PDE4D: variants seen among roughly 807,000 people sequenced by gnomAD.
The protein encoded by PDE4D is phosphodiesterase 4D.
In PDE4D, 24 loss-of-function variants were observed where a neutral mutation model predicts 87.4. That is an observed-to-expected ratio of 0.27 (90% CI 0.20 to 0.39). The LOEUF (loss-of-function observed/expected upper bound fraction) is 0.39. Among genes scored for constraint, PDE4D ranks in the 10% least tolerant of loss-of-function variants. The pLI is 1.00. For missense variants in PDE4D, 714 were observed against 1,041.0 expected (o/e 0.69, Z 4.32); for synonymous variants, 384 against 383.2 (o/e 1.00, Z -0.02).
chr5:60,292,911 A>G (rs1271986528), intron 1 of PDE4D, among the ~76,000 whole-genome samples: 2 of 152,174 alleles, frequency 1.3e-5, no homozygotes, highest in Admixed American at 6.5e-5. Context: ...CCTCTCTATT[A>G]TGACATGGTC....
intron 1 of PDE4D, among the ~76,000 whole-genome samples, chr5:60,251,524 G>A (rs186444395): frequency 2.0e-4 from 31 of 151,954 alleles, no homozygotes; most frequent in African/African-American, 6.5e-4. Context: ...CTATATTCCC[G>A]CAAAGGACAT....
chr5:60,231,471 A>G (rs970909502), intron 1 of PDE4D, among the ~76,000 whole-genome samples: 5 of 152,020 alleles, frequency 3.3e-5, no homozygotes, highest in Admixed American at 3.3e-4. Flanking sequence ...CAATGGAAAA[A>G]AAAATGATCT....
chr5:59,702,869 C>CAAAAAAA (rs71604798), intron 1 of PDE4D, among the ~76,000 whole-genome samples: 7 of 69,804 alleles, frequency 1.0e-4, no homozygotes, highest in African/African-American at 4.3e-4. Flanking sequence ...GACCCTGTCT[C>CAAAAAAA]AAAAAAAAAA....
intron 5 of PDE4D, among the ~76,000 whole-genome samples, chr5:59,061,057 G>C (rs1763044775): frequency 6.6e-6 from 1 of 152,100 alleles, no homozygotes; most frequent in South Asian, 2.1e-4. Context: ...GTTGGTATCA[G>C]TTAGACAGTT....
chr5:60,228,794 A>G (rs1222292835), intron 1 of PDE4D, among the ~76,000 whole-genome samples: 1 of 152,118 alleles, frequency 6.6e-6, no homozygotes. Flanking sequence ...CCCAGAAACT[A>G]TACAGAGAGC....
intron 1 of PDE4D, among the ~76,000 whole-genome samples, chr5:60,294,206 T>C (rs940759119): frequency 1.3e-5 from 2 of 152,194 alleles, no homozygotes; most frequent in African/African-American, 4.8e-5. Flanking sequence ...CTTTACTGTG[T>C]TCATTGGCCA....
chr5:60,242,992 A>G (rs1435711103), intron 1 of PDE4D, among the ~76,000 whole-genome samples: 2 of 152,082 alleles, frequency 1.3e-5, no homozygotes, highest in Non-Finnish European at 2.9e-5. Flanking sequence ...AGTTCAGAGC[A>G]GAAATAAATG....
At chr5:59,227,889 T>C (rs1172711486) in intron 1 of PDE4D, among the ~76,000 whole-genome samples, 2 of 152,020 alleles carry the variant, frequency 1.3e-5, no homozygotes, top group African/African-American at 4.8e-5. Context: ...AACTCAGCAA[T>C]CAAACTACAG....
chr5:60,423,548 T>C, intron 1 of PDE4D, among the ~76,000 whole-genome samples: 1 of 150,856 alleles, frequency 6.6e-6, no homozygotes, highest in Non-Finnish European at 1.5e-5. Flanking sequence ...TAAAGCACTG[T>C]GTAGAGGGAA....
chr5:59,663,116 A>C (rs1201895346), intron 1 of PDE4D, among the ~76,000 whole-genome samples: 1 of 152,182 alleles, frequency 6.6e-6, no homozygotes, highest in Admixed American at 6.5e-5. Flanking sequence ...TACATAGGAA[A>C]TAAGATTTAG....
intron 1 of PDE4D, among the ~76,000 whole-genome samples, chr5:59,677,653 A>G (rs550614503): frequency 1.3e-5 from 2 of 152,340 alleles, no homozygotes; most frequent in Admixed American, 6.5e-5. Context: ...CTGACCAAAC[A>G]CTGACACTTG....
At chr5:60,005,841 G>T (rs1764420979) in intron 2 of PDE4D, among the ~76,000 whole-genome samples, 1 of 151,662 alleles carries the variant, frequency 6.6e-6, no homozygotes, top group African/African-American at 2.4e-5. Flanking sequence ...TTTTAAAAGG[G>T]TGCAGAGAGA....
At chr5:59,687,863 G>GAT (rs1750175213) in intron 1 of PDE4D, among the ~76,000 whole-genome samples, 1 of 152,002 alleles carries the variant, frequency 6.6e-6, no homozygotes, top group South Asian at 2.1e-4. Context: ...AAAATAAAGG[G>GAT]AGGAAGGAAG....
intron 1 of PDE4D, among the ~76,000 whole-genome samples, chr5:59,649,197 T>C (rs534128572): frequency 6.6e-6 from 1 of 152,274 alleles, no homozygotes; most frequent in African/African-American, 2.4e-5. Context: ...AGAAAGGAAG[T>C]TGTGTACAAA....
intron 1 of PDE4D, among the ~76,000 whole-genome samples, chr5:60,365,802 G>A (rs1458113038): frequency 6.6e-6 from 1 of 152,044 alleles, no homozygotes; most frequent in East Asian, 1.9e-4. Flanking sequence ...TCAGCATTTT[G>A]GGAGGCTGAG....
chr5:60,066,027 T>C (rs1772038969), intron 2 of PDE4D, among the ~76,000 whole-genome samples: 1 of 152,208 alleles, frequency 6.6e-6, no homozygotes, highest in Admixed American at 6.5e-5. Context: ...TCCACAATGG[T>C]TGAACTAGTT....
rs545799909 is a variant in PDE4D, at chr5:59,532,171, C to G, written c.456-316203G>C. Among the ~76,000 whole-genome samples the G allele has an allele frequency of 2.6e-5, 4 of 152,206 alleles. No homozygotes were observed. The South Asian group carries it at 8.3e-4, about 32-fold the overall frequency. Reference sequence around the variant, plus strand: ...TTGATTTTTGAGATGGAATATCACTCTCACCCAGGCTAGAGTGCCGTGGCG... The same window carrying G: ...TTGATTTTTGAGATGGAATATCACTGTCACCCAGGCTAGAGTGCCGTGGCG... On this transcript the variant is annotated intron_variant, in intron 1 of 14. Transcript: ENST00000340635.
intron 11 of PDE4D, among the ~76,000 whole-genome samples, chr5:58,983,092 C>A (rs763394709): frequency 1.3e-5 from 2 of 152,192 alleles, no homozygotes; most frequent in Non-Finnish European, 2.9e-5. Context: ...AAGTGAACAA[C>A]GAGTCACCTT....
chr5:59,739,313 G>A (rs914771333), intron 1 of PDE4D, among the ~76,000 whole-genome samples: 44 of 152,076 alleles, frequency 2.9e-4, no homozygotes, highest in African/African-American at 1.0e-3. Context: ...CCAGCTATTC[G>A]GGAGGCTGAG....
Sources: allele counts gnomAD v4.1 joint callset (sites outside exome capture counted in the v4.1 genomes callset), GRCh38; gene constraint gnomAD v4.1.1; transcripts MANE v1.5; gene names NCBI Gene and HGNC (gene_info 2026-07-23, HGNC 2026-07-21).